KIF9: variants seen among roughly 807,000 people sequenced by gnomAD.
KIF9 encodes kinesin family member 9.
KIF9 carries 68 observed loss-of-function variants against 94.8 expected under a neutral mutation model. The ratio of observed to expected loss-of-function variants is 0.72; its 90% CI spans 0.59 to 0.88. The LOEUF (loss-of-function observed/expected upper bound fraction) is 0.88. Ranked by LOEUF, KIF9 falls within the 40% of genes least tolerant of loss-of-function variation. The probability of loss-of-function intolerance (pLI) is 0.00; values close to 1 mark genes in which losing one functional copy is unlikely to be tolerated. For missense variants in KIF9, 882 were observed against 982.5 expected, an observed-to-expected ratio of 0.90 and a Z score of 1.37; for synonymous variants, 343 against 362.1, an observed-to-expected ratio of 0.95 and a Z score of 0.60.
chr3:47,255,014 T>C (rs563778980), intron 10 of KIF9, among the ~76,000 whole-genome samples: 4 of 152,284 alleles, frequency 2.6e-5, no homozygotes, highest in African/African-American at 9.6e-5. Flanking sequence ...AACCATGGGT[T>C]AGTTCTACAG....
chr3:47,236,438 C>G lies in KIF9; in HGVS notation c.2101+5G>C. 2.5e-6 allele frequency: 4 copies of G among 1,612,668 alleles called. No individual in the cohort carries two copies. The highest frequency in any genetic ancestry group is 3.4e-6 in the Non-Finnish European group (4 of 1,179,954). ...GGTGGCGGCCAACCTTCCCAACTGT[C>G]GCACCCATGAGCAGGCGGTGGCGAC... is the stretch of plus-strand genomic sequence containing the variant. On this transcript the variant is annotated splice_donor_5th_base_variant and intron_variant, in intron 18 of 20. Coordinates refer to ENST00000684063, the MANE Select transcript of KIF9 (RefSeq NM_182902.4).
intron 20 of KIF9, among the ~76,000 whole-genome samples, chr3:47,234,215 G>A (rs1698837605): frequency 6.6e-6 from 1 of 152,078 alleles, no homozygotes; most frequent in African/African-American, 2.4e-5. Context: ...CTGATAGAGG[G>A]GGACAGCATT....
At chr3:47,249,320 ATTT>A (rs1700126727) in intron 10 of KIF9, among the ~76,000 whole-genome samples, 1 of 151,418 alleles carries the variant, frequency 6.6e-6, no homozygotes, top group African/African-American at 2.4e-5. Flanking sequence ...TAATTTTTGT[ATTT>A]TTAGTAGAGA....
chr3:47,257,032 G>A (rs995755261), intron 10 of KIF9, among the ~76,000 whole-genome samples: 7 of 152,020 alleles, frequency 4.6e-5, no homozygotes, highest in African/African-American at 9.7e-5. Context: ...CTCTGCCTAG[G>A]AAAACCAGAG....
intron 20 of KIF9, among the ~76,000 whole-genome samples, chr3:47,230,515 C>T (rs1698485701): frequency 6.8e-6 from 1 of 147,594 alleles, no homozygotes; most frequent in Admixed American, 6.7e-5. Context: ...GGTGGATCAC[C>T]CGAGGTCGGG....
Position 47,277,353 on chromosome 3 carries a change from G to A in KIF9, c.22C>T (p.His8Tyr). MGTRKKV[H>Y]AFVRVKPTDD... ...GTGGGTTTGACACGGACAAATGCAT[G>A]AACTTTTTTCCTAGTACCCATTCTA... The change falls in exon 2 of 21, where the codon CAT (histidine) becomes TAT (tyrosine). Residue 8 changes from histidine to tyrosine, a missense_variant. Coordinates refer to ENST00000684063, the MANE Select transcript of KIF9 (RefSeq NM_182902.4). 1.9e-6 allele frequency: 3 copies of A among 1,613,744 alleles called. No individual in the cohort carries two copies. Among genetic ancestry groups the A allele is most frequent in the Non-Finnish European group, 2.5e-6 (3 of 1,179,784 alleles).
chr3:47,243,018 G>T, intron 16 of KIF9, 33 bp downstream of exon 16: 1 of 1,546,766 alleles, frequency 6.5e-7, no homozygotes, highest in South Asian at 1.2e-5. Context: ...GGTTTTGTTT[G>T]ATCTGGTGCA....
Position 47,269,185 on chromosome 3 carries a change from T to A in KIF9, c.592-1922A>T, listed in dbSNP as rs185476230. Among the ~76,000 whole-genome samples the A allele has an allele frequency of 1.1e-3, 166 of 152,376 alleles. 2 individuals carry two copies. The highest frequency in any genetic ancestry group is 0.011 in the Admixed American group (166 of 15,306). ...CATGCCTGTGAATAGCCATTGCACA[T>A]GTGCCCATTGCCTGGGCAACACAGC... On this transcript the variant is annotated intron_variant, in intron 5 of 20. Coordinates refer to ENST00000684063, the MANE Select transcript of KIF9 (RefSeq NM_182902.4).
chr3:47,239,994 G>T (rs1575947697), intron 17 of KIF9: 1 of 1,293,130 alleles, frequency 7.7e-7, no homozygotes, highest in East Asian at 4.7e-5. Flanking sequence ...GAGTTGGAAT[G>T]GTCACTCACT....
At position 47,264,267 on chromosome 3, in the gene KIF9, A is replaced by T. The variant is rs780472306; in HGVS notation, c.981+19T>A. 6.2e-7 allele frequency: 1 copy of T among 1,601,066 alleles called. No individual in the cohort carries two copies. The highest frequency in any genetic ancestry group is 1.7e-5 in the Admixed American group (1 of 59,962). On this transcript the variant is annotated intron_variant, in intron 9 of 20. Transcript: ENST00000684063. ...TGAAGGGGGATTCCAGCCTGGTTTC[A>T]CTGACTGTCTTTACATACCGTTTCT...
intron 10 of KIF9, among the ~76,000 whole-genome samples, chr3:47,257,184 A>G (rs1700674758): frequency 7.1e-6 from 1 of 140,224 alleles, no homozygotes; most frequent in South Asian, 2.3e-4. Context: ...TTGACTGGCA[A>G]AAAAAAAAAA....
At chr3:47,271,169 GAAAA>G in intron 5 of KIF9, 64 bp downstream of exon 5, 1 of 932,038 alleles carries the variant, frequency 1.1e-6, no homozygotes, top group South Asian at 1.5e-5. Flanking sequence ...AAAAGAAAAA[GAAAA>G]GCTGAGAAGG....
At chr3:47,268,835 T>C (rs1240341865) in intron 5 of KIF9, among the ~76,000 whole-genome samples, 1 of 152,194 alleles carries the variant, frequency 6.6e-6, no homozygotes, top group Non-Finnish European at 1.5e-5. Flanking sequence ...TCCTCCTGCC[T>C]TAGCCTCCCA....
At position 47,241,699 on chromosome 3, in the gene KIF9, A is replaced by G. The variant is rs555694283; in HGVS notation, c.1710-684T>C. 1.3e-5 allele frequency among the ~76,000 whole-genome samples: 2 copies of G among 149,832 alleles called. 1 individual carries two copies. Among genetic ancestry groups the G allele is most frequent in the South Asian group, 4.2e-4 (2 of 4,784 alleles). On this transcript the variant is annotated intron_variant, in intron 16 of 20. Coordinates refer to ENST00000684063, the MANE Select transcript of KIF9 (RefSeq NM_182902.4). ...TATACATATATGCATATATACATATATGCATACACACACACATATAAAACA... is the reference window on the plus strand; with the variant it reads ...TATACATATATGCATATATACATATGTGCATACACACACACATATAAAACA...
intron 7 of KIF9, chr3:47,266,117 T>G: frequency 2.3e-6 from 1 of 440,096 alleles, no homozygotes; most frequent in South Asian, 3.8e-5. Context: ...CGAATGTGAA[T>G]GCTTACATGA....
At chr3:47,273,802 A>C in intron 3 of KIF9, 144 bp from the exon 4 acceptor site, 4 of 716,108 alleles carry the variant, frequency 5.6e-6, no homozygotes, top group African/African-American at 1.7e-5. Context: ...GAATTCCACC[A>C]TGGAAGAGGA....
intron 3 of KIF9, 157 bp downstream of exon 3, chr3:47,275,168 G>A: frequency 1.6e-6 from 1 of 625,416 alleles, no homozygotes; most frequent in Non-Finnish European, 2.7e-6. Context: ...TGCCCACAAT[G>A]TCAACAAGCA....
intron 10 of KIF9, chr3:47,250,548 C>T (rs1700206857): frequency 1.0e-5 from 5 of 480,136 alleles, no homozygotes; most frequent in South Asian, 4.5e-5. Flanking sequence ...GTGCCAATGT[C>T]GTAACAAGGT....
At chr3:47,245,085 C>T (rs980982727) in intron 14 of KIF9, 161 bp from the exon 15 acceptor site, 13 of 886,032 alleles carry the variant, frequency 1.5e-5, no homozygotes, top group Middle Eastern at 3.5e-4. Context: ...CCCTGTAGAG[C>T]GGTCCCTGAC....
Sources: gnomAD v4.1 joint callset for allele counts (sites outside exome capture counted in the v4.1 genomes callset) on GRCh38, gnomAD v4.1.1 for gene constraint, MANE v1.5 for transcripts, NCBI Gene and HGNC (gene_info 2026-07-23, HGNC 2026-07-21) for gene names.